USP46: variants seen among roughly 807,000 people sequenced by gnomAD.
USP46 encodes ubiquitin specific peptidase 46.
Under a neutral mutation model 44.4 loss-of-function variants are expected in USP46, and 12 were observed. That is an observed-to-expected ratio of 0.27 (90% CI 0.17 to 0.44). The LOEUF is 0.44. Among genes scored for constraint, USP46 ranks in the 20% least tolerant of loss-of-function variants. USP46 has a pLI of 1.00. For missense variants in USP46, 248 were observed against 444.8 expected (o/e 0.56, Z 3.98); for synonymous variants, 155 against 161.5 (o/e 0.96, Z 0.31).
intron 1 of USP46, among the ~76,000 whole-genome samples, chr4:52,634,018 G>C (rs1002040317): frequency 5.3e-5 from 8 of 152,168 alleles, no homozygotes; most frequent in African/African-American, 1.9e-4. Flanking sequence ...GCTTGGATCT[G>C]CAAGGGTCAT....
At chr4:52,626,981 A>G (rs1369723342) in intron 3 of USP46, among the ~76,000 whole-genome samples, 2 of 152,326 alleles carry the variant, frequency 1.3e-5, no homozygotes, top group African/African-American at 4.8e-5. Flanking sequence ...ACCAGCCTGG[A>G]AGCAGCTTAG....
intron 1 of USP46, among the ~76,000 whole-genome samples, chr4:52,634,640 G>T (rs1189330494): frequency 1.3e-5 from 2 of 151,952 alleles, no homozygotes; most frequent in East Asian, 2.0e-4. Context: ...GGCCAGGCTG[G>T]TCTCAAACTC....
At chr4:52,607,668 T>G (rs1176847195) in intron 5 of USP46, among the ~76,000 whole-genome samples, 1 of 152,092 alleles carries the variant, frequency 6.6e-6, no homozygotes. Context: ...TTCTCATGAG[T>G]GGTTTAGCAC....
intron 1 of USP46, chr4:52,656,477 T>G: frequency 1.5e-5 from 21 of 1,442,246 alleles, no homozygotes; most frequent in East Asian, 1.3e-4. Flanking sequence ...GGGTTAAGGA[T>G]TCCCACTCCA....
chr4:52,655,249 C>T (rs1718908615), intron 1 of USP46: 1 of 152,210 alleles, frequency 6.6e-6, no homozygotes, highest in Non-Finnish European at 1.5e-5. Flanking sequence ...AATGTTAACA[C>T]CCACAAGATA....
chr4:52,647,111 A>C (rs1433359223), intron 1 of USP46, among the ~76,000 whole-genome samples: 1 of 152,218 alleles, frequency 6.6e-6, no homozygotes, highest in African/African-American at 2.4e-5. Context: ...GGTTCAGTGA[A>C]TTCAGTAGAC....
chr4:52,604,009 A>T (rs1191790826), intron 6 of USP46, among the ~76,000 whole-genome samples: 1 of 152,072 alleles, frequency 6.6e-6, no homozygotes, highest in Non-Finnish European at 1.5e-5. Context: ...CTTATAACTG[A>T]TGTGTTAATA....
chr4:52,635,117 G>A (rs1718062357), intron 1 of USP46, among the ~76,000 whole-genome samples: 1 of 149,338 alleles, frequency 6.7e-6, no homozygotes, highest in Non-Finnish European at 1.5e-5. Flanking sequence ...TACCCTCCAG[G>A]CAATGTTACC....
Position 52,598,663 on chromosome 4 carries a change from C to T in USP46, c.964G>A (p.Gly322Ser), listed in dbSNP as rs772802080. 7 of 1,610,544 alleles carry T rather than the reference C, an allele frequency of 4.3e-6. No individual in the cohort carries two copies. The highest frequency in any genetic ancestry group is 2.2e-5 in the East Asian group (1 of 44,824). ...TCATCATCAAACAAAAGCCAGAAGC[C>T]GTGACTTTTCACAATAGTGATATAA... The part of the protein sequence containing the change: ...GHYITIVKSH[G>S]FWLLFDDDIV... Residue 322 changes from glycine to serine, a missense_variant, in exon 8 of 9, where the codon GGC (glycine) becomes AGC (serine). By Grantham distance (56) the Gly-to-Ser change is moderately conservative. Around this residue, in one of 5 missense-constraint regions of USP46, gnomAD observed 98 missense variants for 218.2 expected, o/e 0.45. Transcript: ENST00000441222.
chr4:52,630,671 AG>A (rs1193130243), intron 2 of USP46, among the ~76,000 whole-genome samples: 1 of 144,822 alleles, frequency 6.9e-6, no homozygotes, highest in Non-Finnish European at 1.5e-5. Context: ...CACGAGGTGG[AG>A]GTTGCAGTGA....
At chr4:52,626,293 C>A (rs759063295) in intron 3 of USP46, 46 bp from the exon 4 acceptor site, 1 of 1,508,018 alleles carries the variant, frequency 6.6e-7, no homozygotes, top group Non-Finnish European at 9.1e-7. Flanking sequence ...TCTTGAAAAG[C>A]AAATGGATGT....
At chr4:52,639,779 G>A (rs444566) in intron 1 of USP46, among the ~76,000 whole-genome samples, 5,397 of 151,258 alleles carry the variant, frequency 0.036, 329 homozygotes, top group African/African-American at 0.12. Context: ...TCACTGCAGC[G>A]TCAACCTTTC....
chr4:52,610,473 A>G, intron 5 of USP46, 68 bp downstream of exon 5: 1 of 1,350,006 alleles, frequency 7.4e-7, no homozygotes, highest in East Asian at 2.3e-5. Flanking sequence ...CTGAAGAAAT[A>G]CAGGATTTTC....
At chr4:52,653,618 T>A (rs1430968921) in intron 1 of USP46, among the ~76,000 whole-genome samples, 1 of 152,084 alleles carries the variant, frequency 6.6e-6, no homozygotes, top group Non-Finnish European at 1.5e-5. Context: ...AACTGAAGGT[T>A]TGTTATAAGA....
intron 4 of USP46, among the ~76,000 whole-genome samples, chr4:52,617,830 A>G (rs1196526190): frequency 6.6e-6 from 1 of 152,176 alleles, no homozygotes; most frequent in African/African-American, 2.4e-5. Flanking sequence ...CTAACTGAAA[A>G]TACAGCTTGT....
intron 1 of USP46, among the ~76,000 whole-genome samples, chr4:52,644,277 C>G (rs187711033): frequency 1.4e-3 from 210 of 152,284 alleles, no homozygotes; most frequent in Non-Finnish European, 2.1e-3. Flanking sequence ...TATTCCACAA[C>G]CCTGGCTCCT....
At position 52,592,220 on chromosome 4, in the gene USP46, T is replaced by A. The variant is rs1431638677; in HGVS notation, c.*5420A>T. The A allele has an allele frequency of 2.0e-5, 3 of 152,342 alleles. No homozygotes were observed. Among genetic ancestry groups the A allele is most frequent in the Admixed American group, 1.3e-4 (2 of 15,302 alleles). The allele number at this position is 152,342 out of a possible 1,614,324, so 9.4% of individuals were successfully genotyped here. A position where few individuals can be genotyped will look rare whatever the true frequency, so the allele number is the denominator to read the frequency against. ...GTCCATAAGAGGGACCCAATCTGTG[T>A]CACCTTTTTATCCCCCAGCTCCTAT... is the stretch of plus-strand genomic sequence containing the variant. On this transcript the variant is annotated 3_prime_UTR_variant, in exon 9 of 9. Transcript: ENST00000441222.
intron 6 of USP46, among the ~76,000 whole-genome samples, chr4:52,603,915 C>A (rs1716578642): frequency 6.6e-6 from 1 of 152,154 alleles, no homozygotes; most frequent in Admixed American, 6.6e-5. Context: ...AAACTCCTGA[C>A]CTCAAATGAT....
chr4:52,656,449 T>C, intron 1 of USP46: 2 of 1,300,226 alleles, frequency 1.5e-6, no homozygotes, highest in African/African-American at 1.6e-5. Flanking sequence ...GGTGGGGGAT[T>C]GACCTGAGCA....
Sources: allele counts gnomAD v4.1 joint callset (sites outside exome capture counted in the v4.1 genomes callset), GRCh38; gene constraint gnomAD v4.1.1; regional missense constraint gnomAD v4.1.1; transcripts MANE v1.5; gene names NCBI Gene and HGNC (gene_info 2026-07-23, HGNC 2026-07-21).